The following NAA16 variants were observed in gnomAD, a reference collection of about 807,000 sequenced individuals.
NAA16 encodes the protein N-alpha-acetyltransferase 16, NatA auxiliary subunit.
A neutral mutation model predicts 110.3 loss-of-function variants in NAA16; 97 were observed. The observed-to-expected ratio is 0.88, with a 90% CI of 0.75 to 1.04. NAA16 has a LOEUF of 1.04. Among genes scored for constraint, NAA16 ranks in the 50% least tolerant of loss-of-function variants. The pLI is 0.00. For synonymous variants in NAA16, 372 were observed against 330.6 expected (o/e 1.13, Z -1.36); for missense variants, 1,017 against 1,005.1 (o/e 1.01, Z -0.16).
At chr13:41,314,554 T>G (rs974847024) in intron 1 of NAA16, among the ~76,000 whole-genome samples, 1 of 152,026 alleles carries the variant, frequency 6.6e-6, no homozygotes, top group African/African-American at 2.4e-5. Flanking sequence ...ATGAAGACTT[T>G]TCTAATTCCT....
intron 11 of NAA16, 42 bp from the exon 12 acceptor site, chr13:41,358,768 C>G (rs2043048570): frequency 6.5e-7 from 1 of 1,532,768 alleles, no homozygotes; most frequent in African/African-American, 1.4e-5. Context: ...TACTCATATT[C>G]TCTTGATTAT....
At chr13:41,336,983 CT>C (rs1012445002) in intron 9 of NAA16, among the ~76,000 whole-genome samples, 24 of 151,756 alleles carry the variant, frequency 1.6e-4, no homozygotes, top group African/African-American at 4.3e-4. Flanking sequence ...AATAGGTATA[CT>C]TTTTTTTAGT....
chr13:41,358,757 G>T (rs973614865), intron 11 of NAA16, 53 bp from the exon 12 acceptor site: 75 of 1,516,596 alleles, frequency 4.9e-5, no homozygotes, highest in Non-Finnish European at 6.5e-5. Context: ...CCATTTTATT[G>T]TACTCATATT....
chr13:41,316,736 A>G (rs2041820749), intron 1 of NAA16, 110 bp from the exon 2 acceptor site: 1 of 679,040 alleles, frequency 1.5e-6, no homozygotes, highest in Non-Finnish European at 2.6e-6. Context: ...CCTTTCTATC[A>G]CATTTTAGAC....
intron 9 of NAA16, among the ~76,000 whole-genome samples, chr13:41,339,367 G>A (rs1353739531): frequency 1.3e-5 from 2 of 152,060 alleles, no homozygotes; most frequent in African/African-American, 4.8e-5. Context: ...TTGAACTCCT[G>A]ACCTCAGGTG....
chr13:41,327,428 A>G (rs976014241), intron 6 of NAA16, among the ~76,000 whole-genome samples: 1 of 149,622 alleles, frequency 6.7e-6, no homozygotes, highest in Non-Finnish European at 1.5e-5. Context: ...AATGCATTCA[A>G]TATAATCCAT....
chr13:41,357,606 T>C (rs1460127211), intron 10 of NAA16, among the ~76,000 whole-genome samples: 1 of 152,326 alleles, frequency 6.6e-6, no homozygotes, highest in South Asian at 2.1e-4. Context: ...ATTCACTCTT[T>C]CCTCCTCATT....
intron 15 of NAA16, among the ~76,000 whole-genome samples, chr13:41,369,967 A>G (rs948430941): frequency 6.6e-6 from 1 of 152,216 alleles, no homozygotes. Context: ...TACAGCAGCA[A>G]TACAATTGTC....
chr13:41,329,673 T>A (rs2139409053), intron 7 of NAA16, among the ~76,000 whole-genome samples: 1 of 151,952 alleles, frequency 6.6e-6, no homozygotes, highest in African/African-American at 2.4e-5. Context: ...CACTACAAAT[T>A]GTTAAAAATT....
Position 41,325,687 on chromosome 13 carries a change from T to A in NAA16, c.538-11T>A, listed in dbSNP as rs148219104. The stretch of plus-strand genomic sequence containing the variant: ...TTATACAAATAAAGTAATTTGGTCA[T>A]TTTTTTTCAGGTTCCTCCAAACAAA... On this transcript the variant is annotated splice_polypyrimidine_tract_variant and intron_variant, in intron 5 of 19. Coordinates refer to ENST00000379406, the MANE Select transcript of NAA16 (RefSeq NM_024561.5). 1 of 1,506,134 alleles carries A rather than the reference T, an allele frequency of 6.6e-7. No individual in the cohort carries two copies. The highest frequency in any genetic ancestry group is 1.8e-4 in the Middle Eastern group (1 of 5,560). 93.3% of individuals were successfully genotyped at this position (1,506,134 alleles called of 1,614,324 possible).
At position 41,375,499 on chromosome 13, in the gene NAA16, T is replaced by C. The variant is rs769977353; in HGVS notation, c.2492T>C (p.Leu831Pro). 9 of 1,614,114 alleles carry C rather than the reference T, an allele frequency of 5.6e-6. No individual in the cohort carries two copies. The Admixed American group carries it at 1.5e-4, about 27-fold the overall frequency. The change falls in exon 20 of 20, where the codon CTT becomes CCT. Residue 831 changes from leucine (L) to proline (P), a missense_variant. Coordinates refer to ENST00000379406, the MANE Select transcript of NAA16 (RefSeq NM_024561.5). Reference protein sequence around the residue: ...EEYRMACHNLLPFTSAFLPAV... With the variant: ...EEYRMACHNLPPFTSAFLPAV... Reference sequence around the variant, plus strand: ...TATAGGATGGCCTGTCATAACCTGCTTCCTTTTACATCTGCCTTCTTGCCT... The same window carrying C: ...TATAGGATGGCCTGTCATAACCTGCCTCCTTTTACATCTGCCTTCTTGCCT...
intron 10 of NAA16, among the ~76,000 whole-genome samples, chr13:41,357,014 C>T (rs1300402772): frequency 1.3e-5 from 2 of 152,142 alleles, no homozygotes; most frequent in Non-Finnish European, 2.9e-5. Context: ...CTGTTATACT[C>T]ATTAAAAAGG....
chr13:41,328,900 G>A lies in NAA16; in HGVS notation c.811+57G>A, dbSNP rs1205234990. On this transcript the variant is annotated intron_variant, in intron 7 of 19. Coordinates refer to ENST00000379406, the MANE Select transcript of NAA16 (RefSeq NM_024561.5). ...ACTACTGATTGAAGTATAATAAAAT[G>A]TAAAGTTGTAATAATACTTGGGAAC... 10 of 1,396,342 alleles carry A rather than the reference G, an allele frequency of 7.2e-6. No homozygotes were observed. The East Asian group carries it at 2.1e-4, about 29-fold the overall frequency. The allele number at this position is 1,396,342 out of a possible 1,614,324, so 86.5% of individuals were successfully genotyped here. A position where few individuals can be genotyped will look rare whatever the true frequency, so the allele number is the denominator to read the frequency against.
At chr13:41,355,048 T>TA in intron 9 of NAA16, 96 bp from the exon 10 acceptor site, 1 of 715,212 alleles carries the variant, frequency 1.4e-6, no homozygotes, top group Non-Finnish European at 2.3e-6. Context: ...AGTTCTGAAA[T>TA]AAGCTGTATA....
chr13:41,348,042 C>T (rs1051526154), intron 9 of NAA16, among the ~76,000 whole-genome samples: 1 of 151,820 alleles, frequency 6.6e-6, no homozygotes, highest in Non-Finnish European at 1.5e-5. Flanking sequence ...ATTTTTATCA[C>T]GAAAGTCTGT....
chr13:41,321,425 C>A (rs2041944021), intron 4 of NAA16, among the ~76,000 whole-genome samples: 1 of 152,170 alleles, frequency 6.6e-6, no homozygotes, highest in African/African-American at 2.4e-5. Context: ...GATCTTCCCA[C>A]CTCACCCTCC....
chr13:41,350,408 T>C (rs1217397477), intron 9 of NAA16, among the ~76,000 whole-genome samples: 1 of 151,450 alleles, frequency 6.6e-6, no homozygotes, highest in Admixed American at 6.6e-5. Context: ...ATTCTCCTGC[T>C]TCAGCCTCCG....
At chr13:41,327,918 C>T (rs1346718812) in intron 6 of NAA16, 1 of 151,934 alleles carries the variant, frequency 6.6e-6, no homozygotes, top group Non-Finnish European at 1.5e-5. Flanking sequence ...AAAAATAGTA[C>T]ATAAGACCTG....
At chr13:41,319,848 T>C (rs1355198102) in intron 3 of NAA16, among the ~76,000 whole-genome samples, 1 of 151,814 alleles carries the variant, frequency 6.6e-6, no homozygotes, top group African/African-American at 2.4e-5. Context: ...GGGTGGAGCA[T>C]TGAAATTGAT....
Sources: gnomAD v4.1 joint callset for allele counts (sites outside exome capture counted in the v4.1 genomes callset) on GRCh38, gnomAD v4.1.1 for gene constraint, MANE v1.5 for transcripts, NCBI Gene and HGNC (gene_info 2026-07-23, HGNC 2026-07-21) for gene names.